Variants in PCCB observed in about 807,000 individuals in gnomAD.
PCCB encodes propionyl-CoA carboxylase beta chain, mitochondrial.
PCCB carries 43 observed loss-of-function variants against 60.7 expected under a neutral mutation model. The ratio of observed to expected loss-of-function variants is 0.71; its 90% CI spans 0.55 to 0.91. The LOEUF is 0.91. PCCB is among the 40% of genes least tolerant of loss of function. The probability of loss-of-function intolerance (pLI) is 0.00; values close to 1 mark genes in which losing one functional copy is unlikely to be tolerated. For missense variants in PCCB, 766 were observed against 702.8 expected (o/e 1.09, Z -1.02); for synonymous variants, 276 against 255.9 (o/e 1.08, Z -0.75).
chr3:136,289,480 T>C (rs773427954), intron 6 of PCCB, among the ~76,000 whole-genome samples: 22 of 152,240 alleles, frequency 1.4e-4, no homozygotes, highest in Non-Finnish European at 2.5e-4. Flanking sequence ...TCTTAGCATG[T>C]AATTAATATC....
intron 5 of PCCB, among the ~76,000 whole-genome samples, chr3:136,266,253 C>G (rs557121161): frequency 6.6e-6 from 1 of 152,018 alleles, no homozygotes; most frequent in African/African-American, 2.4e-5. Flanking sequence ...CTCTGCCTCC[C>G]GAGCAGCTGG....
intron 6 of PCCB, among the ~76,000 whole-genome samples, chr3:136,291,021 G>A (rs1933664230): frequency 6.6e-6 from 1 of 151,784 alleles, no homozygotes; most frequent in Admixed American, 6.6e-5. Flanking sequence ...CTTTATTTCT[G>A]TTGCAGTGTT....
chr3:136,299,510 G>GTA, intron 8 of PCCB, among the ~76,000 whole-genome samples: 1 of 145,476 alleles, frequency 6.9e-6, no homozygotes. Context: ...GTATGTATAG[G>GTA]TATGCATGTG....
chr3:136,264,448 G>GTGTATATATATATCTATATA (rs1015530159), intron 5 of PCCB, among the ~76,000 whole-genome samples: 1 of 107,224 alleles, frequency 9.3e-6, no homozygotes, highest in African/African-American at 3.0e-5. Flanking sequence ...GTGTATATAT[G>GTGTATATATATATCTATATA]TATATATATA....
At chr3:136,282,975 G>C (rs916433613) in intron 5 of PCCB, among the ~76,000 whole-genome samples, 1 of 152,132 alleles carries the variant, frequency 6.6e-6, no homozygotes, top group African/African-American at 2.4e-5. Context: ...GTTGTTTTTG[G>C]GGAGAGAATT....
At chr3:136,252,818 T>A (rs894042663) in intron 1 of PCCB, among the ~76,000 whole-genome samples, 1 of 151,764 alleles carries the variant, frequency 6.6e-6, no homozygotes, top group Non-Finnish European at 1.5e-5. Context: ...AAATATATTT[T>A]AAAAATCTGT....
chr3:136,321,408 GA>G (rs767650437), intron 10 of PCCB, among the ~76,000 whole-genome samples: 57 of 152,200 alleles, frequency 3.7e-4, no homozygotes, highest in Admixed American at 1.3e-4. Flanking sequence ...TTCTATAAAG[GA>G]AAGAGGTTTA....
In PCCB at chr3:136,256,654, T is replaced by C. The variant is rs16843829; in HGVS notation, c.372+31T>C. The C allele has an allele frequency of 6.0e-3, 8,715 of 1,449,700 alleles. 663 individuals are homozygous for C. In the East Asian group the frequency reaches 0.16, roughly 26 times the overall value. The allele number at this position is 1,449,700 out of a possible 1,614,324, so 89.8% of individuals were successfully genotyped here. ...TCATAACTCCAATAGTCTGAACTTT[T>C]CTTGGAGGGCAGAGCCAAGAGGAAA... On this transcript the variant is annotated intron_variant, in intron 3 of 14. Transcript: ENST00000251654.
At chr3:136,287,478 C>G (rs1933472015) in intron 6 of PCCB, among the ~76,000 whole-genome samples, 1 of 151,714 alleles carries the variant, frequency 6.6e-6, no homozygotes, top group Non-Finnish European at 1.5e-5. Flanking sequence ...GTCACCCAGG[C>G]TGGAGTGCAG....
At chr3:136,290,178 A>T (rs558293912) in intron 6 of PCCB, among the ~76,000 whole-genome samples, 1 of 152,186 alleles carries the variant, frequency 6.6e-6, no homozygotes, top group Admixed American at 6.5e-5. Flanking sequence ...TTCTGTAAAG[A>T]ATTTTGCTTA....
chr3:136,285,944 T>G (rs1250071569), intron 6 of PCCB, among the ~76,000 whole-genome samples: 1 of 152,210 alleles, frequency 6.6e-6, no homozygotes, highest in African/African-American at 2.4e-5. Flanking sequence ...ACTAAGTCTT[T>G]TTTAAAGGAC....
intron 5 of PCCB, among the ~76,000 whole-genome samples, chr3:136,269,605 G>A (rs987413507): frequency 1.3e-5 from 2 of 151,322 alleles, no homozygotes; most frequent in African/African-American, 4.9e-5. Flanking sequence ...GACATCCTTG[G>A]CCGGGTGCGG....
At chr3:136,262,649 T>G (rs1334106734) in intron 5 of PCCB, among the ~76,000 whole-genome samples, 1 of 152,196 alleles carries the variant, frequency 6.6e-6, no homozygotes, top group Non-Finnish European at 1.5e-5. Flanking sequence ...TTGTGAGAGA[T>G]ACAGTAAGAG....
intron 2 of PCCB, 69 bp from the exon 3 acceptor site, chr3:136,256,486 C>T: frequency 9.1e-7 from 1 of 1,094,852 alleles, no homozygotes; most frequent in Non-Finnish European, 1.4e-6. Flanking sequence ...TTCATTGAGG[C>T]ATAGTGGCCA....
intron 9 of PCCB, among the ~76,000 whole-genome samples, chr3:136,314,747 C>T (rs568968310): frequency 6.6e-6 from 1 of 152,314 alleles, no homozygotes; most frequent in African/African-American, 2.4e-5. Context: ...AGAATCATGG[C>T]TGCTTGGTGG....
intron 8 of PCCB, 58 bp from the exon 9 acceptor site, chr3:136,300,972 C>A (rs572171173): frequency 5.3e-6 from 7 of 1,324,776 alleles, no homozygotes; most frequent in Non-Finnish European, 7.6e-6. Flanking sequence ...ACCCCATTCC[C>A]ACAAAAGGTA....
At chr3:136,301,612 C>T (rs71336055) in intron 9 of PCCB, among the ~76,000 whole-genome samples, 12,772 of 151,830 alleles carry the variant, frequency 0.084, 693 homozygotes, top group Middle Eastern at 0.12. Context: ...GTAAAGGGGA[C>T]AGTGTTGGGC....
chr3:136,328,643 C>G, intron 13 of PCCB, 115 bp from the exon 14 acceptor site: 1 of 800,516 alleles, frequency 1.2e-6, no homozygotes, highest in Non-Finnish European at 2.2e-6. Flanking sequence ...ATGGCACTTC[C>G]CCTCAGTACA....
rs1312029241 is a variant in PCCB, at chr3:136,330,056, G to C, written c.*30G>C. ...ATCAAAGGAAAAGAAACCAAGAACT[G>C]AATTACTGTCTGCCCATTCACATCC... is the stretch of plus-strand genomic sequence containing the variant. On this transcript the variant is annotated 3_prime_UTR_variant, in exon 15 of 15. Coordinates refer to ENST00000251654, the MANE Select transcript of PCCB (RefSeq NM_000532.5). The C allele has an allele frequency of 1.2e-6, 2 of 1,613,562 alleles. No individual in the cohort carries two copies. Among genetic ancestry groups the C allele is most frequent in the Non-Finnish European group, 1.7e-6 (2 of 1,179,756 alleles).
Sources: gnomAD v4.1 joint callset for allele counts (sites outside exome capture counted in the v4.1 genomes callset) on GRCh38, gnomAD v4.1.1 for gene constraint, MANE v1.5 for transcripts, NCBI Gene and HGNC (gene_info 2026-07-23, HGNC 2026-07-21) for gene names.